The following PPM1E variants were observed in gnomAD, a reference collection of about 807,000 sequenced individuals.
PPM1E encodes the protein protein phosphatase 1E.
In PPM1E, 20 loss-of-function variants were observed where a neutral mutation model predicts 65.9. The observed-to-expected ratio is 0.30, with a 90% CI of 0.21 to 0.44. The LOEUF (loss-of-function observed/expected upper bound fraction) is 0.44, where lower values mean the gene tolerates loss of function less well. Ranked by LOEUF, PPM1E falls within the 20% of genes least tolerant of loss-of-function variation. PPM1E has a pLI of 1.00. For synonymous variants in PPM1E, 352 were observed against 374.9 expected (o/e 0.94, Z 0.70); for missense variants, 713 against 953.1 (o/e 0.75, Z 3.32).
At chr17:58,949,721 T>A (rs1400322257) in intron 1 of PPM1E, among the ~76,000 whole-genome samples, 1 of 152,214 alleles carries the variant, frequency 6.6e-6, no homozygotes, top group Non-Finnish European at 1.5e-5. Flanking sequence ...ATTTCACATA[T>A]CTTCATGAGG....
chr17:58,757,063 A>C (rs1456576875), intron 1 of PPM1E, among the ~76,000 whole-genome samples: 2 of 152,178 alleles, frequency 1.3e-5, no homozygotes, highest in Non-Finnish European at 2.9e-5. Context: ...GTTGAAAGTG[A>C]AGGGCTTTTT....
chr17:58,786,702 C>A (rs2050104250), intron 1 of PPM1E, among the ~76,000 whole-genome samples: 1 of 152,136 alleles, frequency 6.6e-6, no homozygotes, highest in South Asian at 2.1e-4. Context: ...AAAAGTAAAA[C>A]CATGAATAAA....
chr17:58,866,985 A>T (rs1044512334), intron 1 of PPM1E, among the ~76,000 whole-genome samples: 1 of 152,016 alleles, frequency 6.6e-6, no homozygotes, highest in African/African-American at 2.4e-5. Context: ...GGGGGATTTT[A>T]TTTTTTCTTT....
At chr17:58,937,312 G>A (rs1404740973) in intron 1 of PPM1E, among the ~76,000 whole-genome samples, 3 of 138,990 alleles carry the variant, frequency 2.2e-5, no homozygotes, top group Non-Finnish European at 4.6e-5. Flanking sequence ...TGCCCAGGCT[G>A]GAGTGCAGTG....
At chr17:58,826,252 G>A (rs2050535123) in intron 1 of PPM1E, among the ~76,000 whole-genome samples, 1 of 150,082 alleles carries the variant, frequency 6.7e-6, no homozygotes. Flanking sequence ...AGCCGAGATG[G>A]CTCCACTGCA....
chr17:58,800,936 CAA>C (rs2143051235), intron 1 of PPM1E, among the ~76,000 whole-genome samples: 1 of 152,158 alleles, frequency 6.6e-6, no homozygotes, highest in South Asian at 2.1e-4. Context: ...TCATTGATTG[CAA>C]TTCTTTATCA....
chr17:58,942,976 T>C (rs2052094732), intron 1 of PPM1E, among the ~76,000 whole-genome samples: 1 of 152,002 alleles, frequency 6.6e-6, no homozygotes, highest in Non-Finnish European at 1.5e-5. Flanking sequence ...TGAGCTATGA[T>C]TGTGCCACTG....
At position 58,981,599 on chromosome 17, in the gene PPM1E, A is replaced by T. The variant is rs562084005; in HGVS notation, c.*568A>T. On this transcript the variant is annotated 3_prime_UTR_variant, in exon 7 of 7. Transcript: ENST00000308249. The stretch of plus-strand genomic sequence containing the variant: ...AATGAAAGTGGTAAATCAGTGTAAA[A>T]GTGTCATATTCTCAGACTTGTGAGG... The T allele has an allele frequency of 4.6e-5, 7 of 152,774 alleles. No individual in the cohort carries two copies. In the South Asian group the frequency reaches 1.2e-3, roughly 27 times the overall value. 9.5% of individuals were successfully genotyped at this position (152,774 alleles called of 1,614,324 possible). A position where few individuals can be genotyped will look rare whatever the true frequency, so the allele number is the denominator to read the frequency against.
intron 1 of PPM1E, among the ~76,000 whole-genome samples, chr17:58,757,133 G>A (rs973298668): frequency 1.3e-5 from 2 of 152,194 alleles, no homozygotes; most frequent in African/African-American, 4.8e-5. Context: ...TTCCATAATT[G>A]AGGGAAGTGG....
intron 1 of PPM1E, among the ~76,000 whole-genome samples, chr17:58,942,536 G>A (rs2052087258): frequency 6.6e-6 from 1 of 152,018 alleles, no homozygotes; most frequent in Non-Finnish European, 1.5e-5. Flanking sequence ...AATTGCATCA[G>A]CTCACAAATC....
intron 1 of PPM1E, among the ~76,000 whole-genome samples, chr17:58,880,189 A>G (rs1451579626): frequency 6.6e-6 from 1 of 152,192 alleles, no homozygotes; most frequent in Non-Finnish European, 1.5e-5. Context: ...GAGGATAAGG[A>G]TGTTTTATTC....
intron 1 of PPM1E, among the ~76,000 whole-genome samples, chr17:58,865,481 C>T (rs2050991458): frequency 6.6e-6 from 1 of 152,134 alleles, no homozygotes; most frequent in Non-Finnish European, 1.5e-5. Flanking sequence ...AGAGGTGAGG[C>T]GGGAAGATCA....
intron 1 of PPM1E, among the ~76,000 whole-genome samples, chr17:58,824,442 T>C (rs931645154): frequency 1.3e-5 from 2 of 152,336 alleles, no homozygotes; most frequent in South Asian, 2.1e-4. Context: ...TCAGTGAAGA[T>C]AGATATTTCT....
At chr17:58,949,605 C>T (rs1414495323) in intron 1 of PPM1E, among the ~76,000 whole-genome samples, 2 of 151,872 alleles carry the variant, frequency 1.3e-5, no homozygotes, top group East Asian at 3.9e-4. Flanking sequence ...TTGTTCCTTC[C>T]CCTCCTATTA....
intron 2 of PPM1E, among the ~76,000 whole-genome samples, chr17:58,964,682 C>T (rs1178800411): frequency 6.6e-6 from 1 of 152,114 alleles, no homozygotes; most frequent in East Asian, 1.9e-4. Context: ...AGTTTTAACT[C>T]ATTTGCTAAC....
intron 1 of PPM1E, among the ~76,000 whole-genome samples, chr17:58,807,683 C>T (rs2050328986): frequency 6.6e-6 from 1 of 152,034 alleles, no homozygotes; most frequent in African/African-American, 2.4e-5. Flanking sequence ...CATAAAAGAA[C>T]TCTCACAAAT....
intron 1 of PPM1E, among the ~76,000 whole-genome samples, chr17:58,778,933 T>C (rs1335173312): frequency 8.6e-5 from 7 of 81,074 alleles, no homozygotes; most frequent in Middle Eastern, 5.1e-3. Flanking sequence ...CATACATATA[T>C]ATATATATAT....
chr17:58,820,775 T>C (rs570177397), intron 1 of PPM1E, among the ~76,000 whole-genome samples: 32 of 152,132 alleles, frequency 2.1e-4, no homozygotes, highest in Non-Finnish European at 4.0e-4. Context: ...CAATTTAAAA[T>C]AAATGTATTT....
At chr17:58,772,996 C>A (rs1173939051) in intron 1 of PPM1E, among the ~76,000 whole-genome samples, 2 of 144,330 alleles carry the variant, frequency 1.4e-5, no homozygotes, top group Non-Finnish European at 1.5e-5. Flanking sequence ...TTCCTCTGAT[C>A]GTTTCTCTCA....
Sources: allele counts gnomAD v4.1 joint callset (sites outside exome capture counted in the v4.1 genomes callset), GRCh38; gene constraint gnomAD v4.1.1; transcripts MANE v1.5; gene names NCBI Gene and HGNC (gene_info 2026-07-23, HGNC 2026-07-21).